SYTL3: variants seen among roughly 807,000 people sequenced by gnomAD.
SYTL3 encodes the protein synaptotagmin like 3, also known as synaptotagmin-like protein 3.
Under a neutral mutation model 82.1 loss-of-function variants are expected in SYTL3, and 88 were observed. The observed-to-expected ratio is 1.07, with a 90% CI of 0.90 to 1.28. SYTL3 has a LOEUF of 1.28. Among genes scored for constraint, SYTL3 ranks in the 50% most tolerant of loss-of-function variants. The probability of loss-of-function intolerance (pLI) is 0.00; values close to 1 mark genes in which losing one functional copy is unlikely to be tolerated. For missense variants in SYTL3, 831 were observed against 757.6 expected (o/e 1.10, Z -1.14); for synonymous variants, 311 against 289.4 (o/e 1.07, Z -0.76).
intron 13 of SYTL3, among the ~76,000 whole-genome samples, chr6:158,754,991 G>A (rs570982660): frequency 9.8e-4 from 149 of 152,270 alleles, no homozygotes; most frequent in Non-Finnish European, 1.7e-3. Context: ...GGAATATGGG[G>A]AATAATCACA....
intron 16 of SYTL3, 87 bp downstream of exon 16, chr6:158,762,265 G>A (rs41267139): frequency 0.023 from 21,609 of 943,332 alleles, 322 homozygotes; most frequent in Non-Finnish European, 0.028. Context: ...ACTAAAAAAC[G>A]TAAGCCACTT....
intron 4 of SYTL3, among the ~76,000 whole-genome samples, chr6:158,663,940 C>G (rs1471535860): frequency 6.6e-6 from 1 of 152,108 alleles, no homozygotes; most frequent in African/African-American, 2.4e-5. Flanking sequence ...CAACAGGGAA[C>G]TCTTCCCTGT....
intron 11 of SYTL3, 33 bp from the exon 12 acceptor site, chr6:158,745,447 G>C: frequency 1.3e-6 from 2 of 1,574,036 alleles, no homozygotes; most frequent in Non-Finnish European, 1.7e-6. Flanking sequence ...ATTAACTGAA[G>C]TAACTTATTA....
upstream of SYTL3, among the ~76,000 whole-genome samples, chr6:158,647,313 G>A (rs916086149): frequency 5.3e-5 from 8 of 152,142 alleles, no homozygotes; most frequent in Admixed American, 2.0e-4. Flanking sequence ...TTAAATGATC[G>A]CGATGTATGA....
intron 6 of SYTL3, among the ~76,000 whole-genome samples, chr6:158,687,519 C>T (rs770910450): frequency 9.9e-5 from 15 of 152,232 alleles, no homozygotes; most frequent in Non-Finnish European, 1.8e-4. Context: ...AAGCAAGAAT[C>T]ACTGGGACCG....
At chr6:158,681,686 C>T (rs1287529857) in intron 5 of SYTL3, among the ~76,000 whole-genome samples, 1 of 152,084 alleles carries the variant, frequency 6.6e-6, no homozygotes, top group Non-Finnish European at 1.5e-5. Context: ...ACAACAAGAA[C>T]AAGTTGTCCA....
Position 158,665,401 on chromosome 6 carries a change from GA to G in SYTL3, c.121del (p.Thr41HisfsTer55). On this transcript the variant is annotated frameshift_variant, in exon 5 of 18. Coordinates refer to ENST00000611299, the MANE Select transcript of SYTL3 (RefSeq NM_001242394.2). LOFTEE classifies it high-confidence loss of function. Reference protein sequence around the residue: ...NTEEERTRKLKTHLQHLRWKG... With the variant: ...NTEEERTRKLXTHLQHLRWKG... ...TTAACTCTGAGGGCTGCAGGAAACT[GA>G]AAACACACCTGCAGCATCTCCGGTG... The G allele has an allele frequency of 6.3e-7, 1 of 1,588,898 alleles. No homozygotes were observed. The highest frequency in any genetic ancestry group is 1.8e-5 in the Admixed American group (1 of 55,860).
chr6:158,709,678 A>G (rs1386258650), intron 8 of SYTL3, among the ~76,000 whole-genome samples: 3 of 152,248 alleles, frequency 2.0e-5, no homozygotes, highest in Non-Finnish European at 4.4e-5. Flanking sequence ...GGAGCTGATC[A>G]TAATCCCAGA....
chr6:158,699,748 G>A (rs1780961319), intron 6 of SYTL3, among the ~76,000 whole-genome samples: 1 of 151,966 alleles, frequency 6.6e-6, no homozygotes, highest in Non-Finnish European at 1.5e-5. Context: ...AGGAGTTCGA[G>A]ACCACCTTGG....
intron 12 of SYTL3, among the ~76,000 whole-genome samples, chr6:158,745,883 G>A (rs1787575020): frequency 6.6e-6 from 1 of 152,168 alleles, no homozygotes; most frequent in African/African-American, 2.4e-5. Flanking sequence ...ACAGACCTTA[G>A]CGTATATGAA....
chr6:158,729,670 C>T (rs1225415553), intron 11 of SYTL3, among the ~76,000 whole-genome samples: 2 of 151,166 alleles, frequency 1.3e-5, no homozygotes, highest in African/African-American at 2.4e-5. Context: ...TGGTTCACGC[C>T]ATTCTCCTGC....
rs750468231 is a variant in SYTL3, at chr6:158,718,200, G to A, written c.709G>A (p.Val237Ile). 132 of 1,535,646 alleles carry A rather than the reference G, an allele frequency of 8.6e-5. No homozygotes were observed. Among genetic ancestry groups the A allele is most frequent in the Non-Finnish European group, 9.6e-5 (109 of 1,139,076 alleles). Residue 237 changes from valine (V) to isoleucine (I), a missense_variant, in exon 10 of 18, where the codon GTC becomes ATC. Val to Ile is a conservative substitution (Grantham distance 29). Transcript: ENST00000611299. ...RRSQSDTAVN[V>I]TTRKVSAPDI... ...GAGCCAGTCTGACACTGCGGTCAACGTCACCACCAGGGTACCCTGAGCCCC... is the reference window on the plus strand; with the variant it reads ...GAGCCAGTCTGACACTGCGGTCAACATCACCACCAGGGTACCCTGAGCCCC...
chr6:158,680,745 C>G (rs1778596901), intron 5 of SYTL3, among the ~76,000 whole-genome samples: 1 of 152,080 alleles, frequency 6.6e-6, no homozygotes, highest in Non-Finnish European at 1.5e-5. Context: ...GAGCCAGACC[C>G]TGTCTCAAAA....
At chr6:158,712,868 C>T (rs1782916682) in intron 8 of SYTL3, among the ~76,000 whole-genome samples, 1 of 151,678 alleles carries the variant, frequency 6.6e-6, no homozygotes, top group Non-Finnish European at 1.5e-5. Flanking sequence ...ACACCATTCT[C>T]CTGCCTCAGC....
intron 14 of SYTL3, among the ~76,000 whole-genome samples, chr6:158,759,070 AC>A (rs1562471810): frequency 6.6e-6 from 1 of 152,082 alleles, no homozygotes; most frequent in Non-Finnish European, 1.5e-5. Context: ...TCCCCCGTGC[AC>A]CCTGCCTCTC....
chr6:158,686,469 A>G (rs1230951826), intron 6 of SYTL3, among the ~76,000 whole-genome samples: 4 of 152,162 alleles, frequency 2.6e-5, no homozygotes, highest in East Asian at 1.9e-4. Context: ...GGAAAATGCC[A>G]GGTTAGGAGC....
At chr6:158,655,736 C>T (rs538521927) in intron 2 of SYTL3, among the ~76,000 whole-genome samples, 2 of 152,286 alleles carry the variant, frequency 1.3e-5, no homozygotes, top group South Asian at 2.1e-4. Context: ...ATAGCACCGC[C>T]GTGAAGTGGG....
chr6:158,718,013 C>T lies in SYTL3; in HGVS notation c.596-74C>T, dbSNP rs193294032. 93 of 1,413,498 alleles carry T rather than the reference C, an allele frequency of 6.6e-5. No homozygotes were observed. In the African/African-American group the frequency reaches 9.2e-4, roughly 14 times the overall value. 87.6% of individuals were successfully genotyped at this position (1,413,498 alleles called of 1,614,324 possible). A position where few individuals can be genotyped will look rare whatever the true frequency, so the allele number is the denominator to read the frequency against. On this transcript the variant is annotated intron_variant, in intron 9 of 17. Transcript: ENST00000611299. ...ACCCACTGTCTGTGGGTTCAGTGAA[C>T]CCCAGAAGAGGCTCCCACAAGTCTC...
chr6:158,655,178 A>T (rs1788533817), intron 2 of SYTL3, among the ~76,000 whole-genome samples: 5 of 152,210 alleles, frequency 3.3e-5, no homozygotes, highest in Admixed American at 3.3e-4. Flanking sequence ...TACAATTTCA[A>T]AGATTCCTGT....
Sources: allele counts gnomAD v4.1 joint callset (sites outside exome capture counted in the v4.1 genomes callset), GRCh38; gene constraint gnomAD v4.1.1; transcripts MANE v1.5; gene names NCBI Gene and HGNC (gene_info 2026-07-23, HGNC 2026-07-21).